COLGALT2: variants seen among roughly 807,000 people sequenced by gnomAD.
COLGALT2 encodes collagen beta(1-O)galactosyltransferase 2.
Under a neutral mutation model 73.4 loss-of-function variants are expected in COLGALT2, and 49 were observed. The ratio of observed to expected loss-of-function variants is 0.67; its 90% CI spans 0.53 to 0.85. COLGALT2 has a LOEUF of 0.85. COLGALT2 is among the 40% of genes least tolerant of loss of function. The probability of loss-of-function intolerance (pLI) is 0.00; values close to 1 mark genes in which losing one functional copy is unlikely to be tolerated. For missense variants in COLGALT2, 722 were observed against 790.2 expected, an observed-to-expected ratio of 0.91 and a Z score of 1.03; for synonymous variants, 295 against 307.6, an observed-to-expected ratio of 0.96 and a Z score of 0.43.
At chr1:183,999,242 A>G (rs1281738315) in intron 1 of COLGALT2, among the ~76,000 whole-genome samples, 1 of 151,994 alleles carries the variant, frequency 6.6e-6, no homozygotes, top group East Asian at 1.9e-4. Flanking sequence ...TTTCCCGTTA[A>G]TTTGTCGATA....
chr1:183,996,846 G>T (rs896789914), intron 1 of COLGALT2, among the ~76,000 whole-genome samples: 2 of 152,190 alleles, frequency 1.3e-5, no homozygotes, highest in Admixed American at 6.5e-5. Flanking sequence ...TATAAATGGG[G>T]TGAATATGCA....
chr1:184,037,035 C>A, intron 1 of COLGALT2, 60 bp downstream of exon 1: 1 of 1,296,114 alleles, frequency 7.7e-7, no homozygotes. Flanking sequence ...GGGCGCTGTC[C>A]GCGCTGGGCA....
intron 6 of COLGALT2, among the ~76,000 whole-genome samples, chr1:183,963,092 C>T (rs61824788): frequency 1.4e-3 from 212 of 152,306 alleles, no homozygotes; most frequent in African/African-American, 5.1e-3. Context: ...TCTCTTTTAG[C>T]CACCATTGTA....
In COLGALT2 at chr1:183,999,682, T is replaced by C. The variant is rs1023134505; in HGVS notation, c.264-21162A>G. 5.3e-5 allele frequency among the ~76,000 whole-genome samples: 8 copies of C among 152,118 alleles called. No individual in the cohort carries two copies. In the South Asian group the frequency reaches 8.3e-4, roughly 16 times the overall value. Reference sequence around the variant, plus strand: ...TCTTTCTTCATGAGTCAGACTGTTATATGTATTTCTCTCAGAATTTTAAAT... The same window carrying C: ...TCTTTCTTCATGAGTCAGACTGTTACATGTATTTCTCTCAGAATTTTAAAT... On this transcript the variant is annotated intron_variant, in intron 1 of 11. Transcript: ENST00000361927.
intron 1 of COLGALT2, among the ~76,000 whole-genome samples, chr1:184,022,645 C>T (rs1179780016): frequency 1.3e-5 from 2 of 152,100 alleles, no homozygotes; most frequent in Non-Finnish European, 2.9e-5. Context: ...AACACAAAGG[C>T]AATTTGTTAT....
At chr1:183,988,658 C>A (rs547880452) in intron 1 of COLGALT2, among the ~76,000 whole-genome samples, 1 of 152,170 alleles carries the variant, frequency 6.6e-6, no homozygotes, top group Admixed American at 6.5e-5. Flanking sequence ...TGTTGTAGCA[C>A]GTACCAGTAC....
At chr1:183,983,876 A>T (rs1671418555) in intron 1 of COLGALT2, among the ~76,000 whole-genome samples, 1 of 152,240 alleles carries the variant, frequency 6.6e-6, no homozygotes, top group African/African-American at 2.4e-5. Flanking sequence ...TGAAGAAAAC[A>T]AATGATGTGC....
chr1:183,942,188 T>C (rs1434012406), intron 10 of COLGALT2, among the ~76,000 whole-genome samples: 1 of 152,148 alleles, frequency 6.6e-6, no homozygotes, highest in Non-Finnish European at 1.5e-5. Flanking sequence ...GACCTCGTGA[T>C]CCACCCGCCT....
At chr1:183,988,706 T>C (rs745552705) in intron 1 of COLGALT2, among the ~76,000 whole-genome samples, 7 of 152,234 alleles carry the variant, frequency 4.6e-5, no homozygotes, top group Non-Finnish European at 8.8e-5. Context: ...TTCCATAGTA[T>C]GGATATGCCA....
At chr1:184,031,233 A>G (rs1251099162) in intron 1 of COLGALT2, among the ~76,000 whole-genome samples, 1 of 152,230 alleles carries the variant, frequency 6.6e-6, no homozygotes, top group Non-Finnish European at 1.5e-5. Context: ...AATGTAGCCA[A>G]TACGTGTATG....
In COLGALT2 at chr1:183,942,667, C is replaced by CT. The variant is rs1414499292; in HGVS notation, c.1397+1528dup. 1.3e-3 allele frequency among the ~76,000 whole-genome samples: 192 copies of CT among 152,194 alleles called. 3 individuals are homozygous for CT. Among genetic ancestry groups the CT allele is most frequent in the Admixed American group, 0.012 (191 of 15,288 alleles). The stretch of plus-strand genomic sequence containing the variant: ...TTTTAGGTTTAAGTAACATTTGTTT[C>CT]TTTTTTGTTTTAGAAAATAACAGGT... On this transcript the variant is annotated intron_variant, in intron 10 of 11. Transcript: ENST00000361927.
At chr1:183,951,685 G>GA (rs1000815164) in intron 7 of COLGALT2, among the ~76,000 whole-genome samples, 19 of 151,928 alleles carry the variant, frequency 1.3e-4, no homozygotes, top group African/African-American at 1.9e-4. Flanking sequence ...AACACTGATG[G>GA]AAAAAAATGG....
At chr1:183,988,319 A>T (rs181595440) in intron 1 of COLGALT2, among the ~76,000 whole-genome samples, 1 of 152,348 alleles carries the variant, frequency 6.6e-6, no homozygotes, top group African/African-American at 2.4e-5. Context: ...CTAAGACATG[A>T]TTACTGCTGC....
chr1:183,960,622 A>G (rs1006038568), intron 6 of COLGALT2, among the ~76,000 whole-genome samples: 4 of 152,228 alleles, frequency 2.6e-5, no homozygotes, highest in Non-Finnish European at 4.4e-5. Context: ...CAGGCATTCT[A>G]TGTTTGCTCA....
downstream of COLGALT2, among the ~76,000 whole-genome samples, chr1:183,932,596 G>A (rs999725168): frequency 3.3e-5 from 5 of 152,276 alleles, no homozygotes; most frequent in South Asian, 2.1e-4. Context: ...ACTGACTCAC[G>A]GAGCTGGAGG....
chr1:184,025,847 G>C (rs749298788), intron 1 of COLGALT2, among the ~76,000 whole-genome samples: 1 of 152,280 alleles, frequency 6.6e-6, no homozygotes, highest in Non-Finnish European at 1.5e-5. Flanking sequence ...AGGAAGCATC[G>C]ATTATGCAGT....
chr1:183,962,154 C>CTTTTTTTTTTTT lies in COLGALT2; in HGVS notation c.952+1735_952+1746dup, dbSNP rs34873073. The stretch of plus-strand genomic sequence containing the variant: ...TTTCTTTTCTTTTCTTTTTCTCTTT[C>CTTTTTTTTTTTT]TTTTTTTTTTTTTTTTTTTTTTTGA... On this transcript the variant is annotated intron_variant, in intron 6 of 11. Coordinates refer to ENST00000361927, the MANE Select transcript of COLGALT2 (RefSeq NM_015101.4). Among the ~76,000 whole-genome samples, 145 of 85,528 alleles carry CTTTTTTTTTTTT rather than the reference C, an allele frequency of 1.7e-3. 4 individuals carry two copies. Among genetic ancestry groups the CTTTTTTTTTTTT allele is most frequent in the African/African-American group, 3.2e-3 (63 of 19,970 alleles). The allele number at this position is 85,528 out of a possible 152,430, so 56.1% of individuals were successfully genotyped here. A position where few individuals can be genotyped will look rare whatever the true frequency, so the allele number is the denominator to read the frequency against.
rs994679581 is a variant in COLGALT2, at chr1:183,945,583, G to A, written c.1137-19C>T. 39 of 1,612,758 alleles carry A rather than the reference G, an allele frequency of 2.4e-5. No individual in the cohort carries two copies. The highest frequency in any genetic ancestry group is 1.7e-4 in the Middle Eastern group (1 of 6,030). ...GAGTGCCCTGCATCACATAAAACAC[G>A]TCTGGAGATTAACAAGTCAAAGGTC... On this transcript the variant is annotated intron_variant, in intron 8 of 11. Coordinates refer to ENST00000361927, the MANE Select transcript of COLGALT2 (RefSeq NM_015101.4).
intron 1 of COLGALT2, among the ~76,000 whole-genome samples, chr1:184,013,943 G>A (rs545910150): frequency 2.6e-5 from 4 of 152,294 alleles, no homozygotes; most frequent in South Asian, 2.1e-4. Flanking sequence ...TTGGGCAAAT[G>A]CTTGCATGGC....
Sources: allele counts gnomAD v4.1 joint callset (sites outside exome capture counted in the v4.1 genomes callset), GRCh38; gene constraint gnomAD v4.1.1; transcripts MANE v1.5; gene names NCBI Gene and HGNC (gene_info 2026-07-23, HGNC 2026-07-21).